The following LRMDA variants were observed in gnomAD, a reference collection of about 807,000 sequenced individuals.
The protein encoded by LRMDA is leucine rich melanocyte differentiation associated, also known as leucine-rich melanocyte differentiation-associated protein.
In LRMDA, 18 loss-of-function variants were observed where a neutral mutation model predicts 29.8. The observed-to-expected ratio is 0.60, with a 90% CI of 0.42 to 0.90. LRMDA has a LOEUF of 0.90. LRMDA is among the 40% of genes least tolerant of loss of function. The probability of loss-of-function intolerance (pLI) is 0.00; values close to 1 mark genes in which losing one functional copy is unlikely to be tolerated. For synonymous variants in LRMDA, 125 were observed against 109.4 expected, an observed-to-expected ratio of 1.14 and a Z score of -0.89; for missense variants, 273 against 273.9, an observed-to-expected ratio of 1.00 and a Z score of 0.02.
chr10:75,654,489 A>G (rs767981850), intron 2 of LRMDA, among the ~76,000 whole-genome samples: 2 of 152,220 alleles, frequency 1.3e-5, no homozygotes, highest in Non-Finnish European at 2.9e-5. Flanking sequence ...CAACTCTATA[A>G]TTGGGAAGTT....
intron 2 of LRMDA, among the ~76,000 whole-genome samples, chr10:75,874,874 C>G (rs1248159820): frequency 6.6e-6 from 1 of 152,244 alleles, no homozygotes; most frequent in Non-Finnish European, 1.5e-5. Context: ...AGCACAACAA[C>G]TTAAGTTACA....
intron 6 of LRMDA, among the ~76,000 whole-genome samples, chr10:76,545,638 T>TTTAGTATTATTA (rs1554827106): frequency 2.8e-5 from 4 of 143,776 alleles, no homozygotes; most frequent in Non-Finnish European, 6.0e-5. Context: ...GGAACAACCT[T>TTTAGTATTATTA]TTATTATTAT....
intron 2 of LRMDA, among the ~76,000 whole-genome samples, chr10:76,005,796 G>A (rs61862697): frequency 0.017 from 2,608 of 151,940 alleles, 36 homozygotes; most frequent in Non-Finnish European, 0.029. Flanking sequence ...CGAGCTTGGT[G>A]GCGGGCGCCT....
chr10:76,118,563 C>T lies in LRMDA; in HGVS notation c.516+59780C>T, dbSNP rs1290569575. On this transcript the variant is annotated intron_variant, in intron 5 of 6. Transcript: ENST00000611255. Reference sequence around the variant, plus strand: ...TAGGTCCATTTGAGGCTAATACATACACAAGATTCTGCCTTTTCATGACAG... The same window carrying T: ...TAGGTCCATTTGAGGCTAATACATATACAAGATTCTGCCTTTTCATGACAG... 6.6e-5 allele frequency among the ~76,000 whole-genome samples: 10 copies of T among 152,228 alleles called. No homozygotes were observed. The East Asian group carries it at 1.9e-3, about 29-fold the overall frequency.
intron 5 of LRMDA, among the ~76,000 whole-genome samples, chr10:76,266,148 G>A (rs192547340): frequency 1.4e-4 from 22 of 152,114 alleles, no homozygotes; most frequent in African/African-American, 4.8e-5. Flanking sequence ...AGGATTAACC[G>A]GGATAATAAA....
At chr10:75,902,245 G>T (rs1845687358) in intron 2 of LRMDA, among the ~76,000 whole-genome samples, 1 of 152,172 alleles carries the variant, frequency 6.6e-6, no homozygotes, top group Admixed American at 6.5e-5. Flanking sequence ...CAGGGAAGAG[G>T]TCATTGCAGG....
At chr10:76,030,661 A>ACGT (rs1848134558) in intron 2 of LRMDA, among the ~76,000 whole-genome samples, 1 of 152,136 alleles carries the variant, frequency 6.6e-6, no homozygotes, top group Non-Finnish European at 1.5e-5. Flanking sequence ...TGGTGGCGGA[A>ACGT]GCCTGTAGTC....
At chr10:76,078,377 G>A (rs1378252067) in intron 5 of LRMDA, among the ~76,000 whole-genome samples, 1 of 152,034 alleles carries the variant, frequency 6.6e-6, no homozygotes, top group Non-Finnish European at 1.5e-5. Flanking sequence ...GTTCCATAAT[G>A]GAAGGGCAGC....
chr10:75,630,519 G>A (rs903151652), intron 2 of LRMDA, among the ~76,000 whole-genome samples: 1 of 152,160 alleles, frequency 6.6e-6, no homozygotes, highest in Non-Finnish European at 1.5e-5. Flanking sequence ...GTTTCCAGAA[G>A]GGATATTAGA....
intron 5 of LRMDA, among the ~76,000 whole-genome samples, chr10:76,067,562 G>A (rs1271349279): frequency 1.3e-5 from 2 of 152,104 alleles, no homozygotes; most frequent in Non-Finnish European, 2.9e-5. Context: ...CATTACCCGG[G>A]GTTCTGTGCA....
Position 75,782,736 on chromosome 10 carries a change from T to C in LRMDA, c.132-253272T>C, listed in dbSNP as rs1843405069. The C allele has an allele frequency of 3.0e-6, 4 of 1,341,550 alleles. No individual in the cohort carries two copies. The Admixed American group carries it at 1.2e-4, about 41-fold the overall frequency. 83.1% of individuals were successfully genotyped at this position (1,341,550 alleles called of 1,614,324 possible). The stretch of plus-strand genomic sequence containing the variant: ...TGTGAGATGGAGACCGGGGCGAAAC[T>C]GCAAGCAGATGCCCTTTGCTGACTG... On this transcript the variant is annotated intron_variant, in intron 2 of 6. Transcript: ENST00000611255.
chr10:75,635,641 T>C (rs1159203695), intron 2 of LRMDA, among the ~76,000 whole-genome samples: 1 of 152,084 alleles, frequency 6.6e-6, no homozygotes, highest in African/African-American at 2.4e-5. Flanking sequence ...CAGGGATTGA[T>C]GAAAAAAGAT....
At chr10:75,706,146 C>A (rs915317356) in intron 2 of LRMDA, among the ~76,000 whole-genome samples, 6 of 152,086 alleles carry the variant, frequency 3.9e-5, no homozygotes, top group African/African-American at 1.4e-4. Context: ...TTTTTGAAGA[C>A]TGCATACTAT....
At chr10:76,483,100 T>C (rs1002189976) in intron 6 of LRMDA, among the ~76,000 whole-genome samples, 11 of 151,998 alleles carry the variant, frequency 7.2e-5, no homozygotes, top group African/African-American at 2.7e-4. Context: ...ATGTCCTAGT[T>C]TCAAGTTCTG....
At chr10:75,673,131 T>A (rs1013752578) in intron 2 of LRMDA, among the ~76,000 whole-genome samples, 1 of 152,148 alleles carries the variant, frequency 6.6e-6, no homozygotes, top group Non-Finnish European at 1.5e-5. Context: ...GCACATTCTT[T>A]TAAAACAAGA....
chr10:75,728,624 A>C (rs1842659137), intron 2 of LRMDA, among the ~76,000 whole-genome samples: 2 of 152,162 alleles, frequency 1.3e-5, no homozygotes, highest in East Asian at 1.9e-4. Context: ...TGCAGGTACT[A>C]GGTTAGTTCA....
At chr10:75,767,021 G>A (rs58756398) in intron 2 of LRMDA, among the ~76,000 whole-genome samples, 2,007 of 152,050 alleles carry the variant, frequency 0.013, 46 homozygotes, top group African/African-American at 0.046. Flanking sequence ...TATGTACCAC[G>A]TTTTCTTTAT....
At chr10:76,482,713 C>T (rs1475162261) in intron 6 of LRMDA, among the ~76,000 whole-genome samples, 1 of 151,968 alleles carries the variant, frequency 6.6e-6, no homozygotes, top group African/African-American at 2.4e-5. Context: ...CAAGGTCTTG[C>T]TGTGAATAGA....
chr10:75,952,480 G>A (rs971470652), intron 2 of LRMDA, among the ~76,000 whole-genome samples: 5 of 152,102 alleles, frequency 3.3e-5, no homozygotes, highest in African/African-American at 4.8e-5. Context: ...CTTCAGATAC[G>A]TTTGTGTTCT....
Sources: gnomAD v4.1 joint callset for allele counts (sites outside exome capture counted in the v4.1 genomes callset) on GRCh38, gnomAD v4.1.1 for gene constraint, MANE v1.5 for transcripts, NCBI Gene and HGNC (gene_info 2026-07-23, HGNC 2026-07-21) for gene names.